FHIP2B: variants seen among roughly 807,000 people sequenced by gnomAD.
FHIP2B encodes the protein FHF complex subunit HOOK interacting protein 2B.
Under a neutral mutation model 84.0 loss-of-function variants are expected in FHIP2B, and 72 were observed. The observed-to-expected ratio is 0.86, with a 90% CI of 0.71 to 1.04. The LOEUF (loss-of-function observed/expected upper bound fraction) is 1.04. FHIP2B is among the 50% of genes least tolerant of loss of function. The pLI is 0.00. For synonymous variants in FHIP2B, 497 were observed against 418.7 expected, an observed-to-expected ratio of 1.19 and a Z score of -2.28; for missense variants, 972 against 968.9, an observed-to-expected ratio of 1.00 and a Z score of -0.04.
intron 1 of FHIP2B, among the ~76,000 whole-genome samples, chr8:22,091,668 G>A (rs1825500710): frequency 6.6e-6 from 1 of 152,184 alleles, no homozygotes; most frequent in Non-Finnish European, 1.5e-5. Flanking sequence ...AATGGCCTGT[G>A]CTGGTTAACC....
chr8:22,089,307 G>C lies in FHIP2B; in HGVS notation c.45+9G>C. The stretch of plus-strand genomic sequence containing the variant: ...AGGAAGCCGTGGGGGCGGTGAGGCC[G>C]GCAGGGCCGGGCCGGGCCGCCGGGA... On this transcript the variant is annotated intron_variant, in intron 1 of 16. Transcript: ENST00000289921. 9.8e-7 allele frequency: 1 copy of C among 1,018,338 alleles called. No homozygotes were observed. Among genetic ancestry groups the C allele is most frequent in the Non-Finnish European group, 1.2e-6 (1 of 852,994 alleles). The allele number at this position is 1,018,338 out of a possible 1,614,324, so 63.1% of individuals were successfully genotyped here.
At chr8:22,094,788 C>T (rs1308507963) in intron 2 of FHIP2B, 9 of 1,264,806 alleles carry the variant, frequency 7.1e-6, no homozygotes, top group East Asian at 8.6e-5. Context: ...TCTCACTGGC[C>T]TGACTCTGCA....
chr8:22,093,475 G>A (rs1202771257), intron 1 of FHIP2B, among the ~76,000 whole-genome samples: 2 of 152,160 alleles, frequency 1.3e-5, no homozygotes, highest in Non-Finnish European at 2.9e-5. Flanking sequence ...AATTTTCCAG[G>A]GCTTGATAGA....
Position 22,098,977 on chromosome 8 carries a change from C to T in FHIP2B, c.995C>T (p.Ser332Phe), listed in dbSNP as rs200989007. 9.6e-5 allele frequency: 155 copies of T among 1,607,700 alleles called. 1 individual carries two copies. The African/African-American group carries it at 1.9e-3, about 19-fold the overall frequency. ...RLPSAPSDEA[S>F]FPGKEALAAF... ...CCCAGTGCCCCGTCTGATGAGGCTT[C>T]CTTCCCTGGCAAGGAGGCCTTGGCT... is the stretch of plus-strand genomic sequence containing the variant. The change falls in exon 8 of 17, where the codon TCC becomes TTC. Residue 332 changes from serine to phenylalanine, a missense_variant. Ser to Phe is a radical substitution (Grantham distance 155, BLOSUM62 -2). Coordinates refer to ENST00000289921, the MANE Select transcript of FHIP2B (RefSeq NM_022749.7).
At chr8:22,098,649 G>T in intron 7 of FHIP2B, 30 bp downstream of exon 7, 1 of 1,511,832 alleles carries the variant, frequency 6.6e-7, no homozygotes, top group Non-Finnish European at 8.9e-7. Context: ...AGGCCGGCCA[G>T]CATCTTCAGT....
intron 1 of FHIP2B, among the ~76,000 whole-genome samples, chr8:22,093,169 C>G (rs879851522): frequency 6.6e-6 from 1 of 152,112 alleles, no homozygotes; most frequent in African/African-American, 2.4e-5. Flanking sequence ...CTTTCACGAT[C>G]CAGACAGTTA....
Position 22,100,934 on chromosome 8 carries a change from T to A in FHIP2B, c.1578T>A (p.Ser526Arg). Reference protein sequence around the residue: ...PAKPRLAPATSYDGKTAVTEI... With the variant: ...PAKPRLAPATRYDGKTAVTEI... ...AGCCTCGCCTAGCTCCTGCTACCAGTTACGATGGCAAAACAGCAGTGACCG... is the reference window on the plus strand; with the variant it reads ...AGCCTCGCCTAGCTCCTGCTACCAGATACGATGGCAAAACAGCAGTGACCG... Residue 526 changes from serine to arginine, a missense_variant, in exon 12 of 17, where the codon AGT becomes AGA. Coordinates refer to ENST00000289921, the MANE Select transcript of FHIP2B (RefSeq NM_022749.7). 1 of 1,613,872 alleles carries A rather than the reference T, an allele frequency of 6.2e-7. No homozygotes were observed. The highest frequency in any genetic ancestry group is 1.1e-5 in the South Asian group (1 of 91,074).
At chr8:22,102,128 C>A (rs13253275) in intron 14 of FHIP2B, 47 bp from the exon 15 acceptor site, 2 of 1,611,470 alleles carry the variant, frequency 1.2e-6, no homozygotes, top group African/African-American at 1.3e-5. Flanking sequence ...TGCAAAAATA[C>A]TCACCAGCCC....
At chr8:22,099,440 G>GC in intron 9 of FHIP2B, 80 bp downstream of exon 9, 1 of 1,428,596 alleles carries the variant, frequency 7.0e-7, no homozygotes, top group South Asian at 1.2e-5. Flanking sequence ...TGTCCCTAAG[G>GC]CCAGACACCT....
intron 1 of FHIP2B, among the ~76,000 whole-genome samples, chr8:22,092,999 T>C (rs1210217298): frequency 6.6e-6 from 1 of 152,228 alleles, no homozygotes; most frequent in Non-Finnish European, 1.5e-5. Flanking sequence ...GCATCTAGCA[T>C]AGTGTCTTGT....
intron 1 of FHIP2B, chr8:22,089,742 C>T: frequency 4.0e-6 from 5 of 1,260,850 alleles, no homozygotes; most frequent in Non-Finnish European, 5.2e-6. Context: ...CGTCCCTTCC[C>T]CTCGGTCTGA....
In FHIP2B at chr8:22,096,507, G is replaced by A. The variant is rs201073655; in HGVS notation, c.295G>A (p.Glu99Lys). The A allele has an allele frequency of 1.7e-4, 263 of 1,530,408 alleles. 1 individual carries two copies. Among genetic ancestry groups the A allele is most frequent in the Non-Finnish European group, 1.3e-4 (151 of 1,133,504 alleles). 94.8% of individuals were successfully genotyped at this position (1,530,408 alleles called of 1,614,324 possible). ...GACTCTCTGCACGCTGGGCAAGGCC[G>A]AGGTGGGAGGCCCTCTGCGCGCTGG... ...LETLCTLGKA[E>K]YPPGMRQQVF... is the part of the protein sequence containing the mutation. Residue 99 changes from glutamate (E) to lysine (K), a missense_variant and splice_region_variant, in exon 3 of 17, where the codon GAG becomes AAG. Coordinates refer to ENST00000289921, the MANE Select transcript of FHIP2B (RefSeq NM_022749.7).
intron 10 of FHIP2B, 109 bp downstream of exon 10, chr8:22,100,002 CACTGA>C (rs1826016862): frequency 1.7e-6 from 2 of 1,145,556 alleles, no homozygotes; most frequent in Non-Finnish European, 2.4e-6. Context: ...ACCTTTGAGA[CACTGA>C]ACTGCAAAAC....
At chr8:22,101,157 G>C in intron 12 of FHIP2B, 185 bp downstream of exon 12, 2 of 743,518 alleles carry the variant, frequency 2.7e-6, no homozygotes, top group Non-Finnish European at 4.3e-6. Context: ...CGAGTACCTG[G>C]GATTACAGAC....
At position 22,098,422 on chromosome 8, in the gene FHIP2B, G is replaced by A; in HGVS notation, c.769-1G>A. ...CCTGAAGTTGTATCCTCATCCCCTA[G>A]AAGAGTCGGGTGGCCTTGAAGGCCC... is the stretch of plus-strand genomic sequence containing the variant. On this transcript the variant is annotated splice_acceptor_variant, in intron 6 of 16. Transcript: ENST00000289921. LOFTEE classifies it high-confidence loss of function. 6.3e-7 allele frequency: 1 copy of A among 1,591,148 alleles called. No homozygotes were observed.
At chr8:22,090,362 T>C (rs1825423119) in intron 1 of FHIP2B, among the ~76,000 whole-genome samples, 1 of 152,202 alleles carries the variant, frequency 6.6e-6, no homozygotes, top group Admixed American at 6.5e-5. Context: ...AAGTTTGCCT[T>C]AGGCAAAGTT....
At chr8:22,100,996 G>GA (rs769819479) in intron 12 of FHIP2B, 24 bp downstream of exon 12, 11 of 1,608,498 alleles carry the variant, frequency 6.8e-6, no homozygotes, top group Non-Finnish European at 9.3e-6. Context: ...TAGGCAGTCT[G>GA]AACCACTTGA....
chr8:22,091,876 C>T (rs1456450055), intron 1 of FHIP2B, among the ~76,000 whole-genome samples: 2 of 152,166 alleles, frequency 1.3e-5, no homozygotes, highest in East Asian at 1.9e-4. Context: ...CAGGAGTTTC[C>T]TGAGATATCT....
chr8:22,100,452 C>A, intron 10 of FHIP2B, 142 bp from the exon 11 acceptor site: 1 of 937,064 alleles, frequency 1.1e-6, no homozygotes, highest in Non-Finnish European at 1.4e-6. Context: ...CCCAACTACC[C>A]CCAAAACCTG....
Sources: gnomAD v4.1 joint callset for allele counts (sites outside exome capture counted in the v4.1 genomes callset) on GRCh38, gnomAD v4.1.1 for gene constraint, MANE v1.5 for transcripts, NCBI Gene and HGNC (gene_info 2026-07-23, HGNC 2026-07-21) for gene names.